PDZD2: variants seen among roughly 807,000 people sequenced by gnomAD.
The protein encoded by PDZD2 is PDZ domain containing 2, also known as PDZ domain-containing protein 2.
A neutral mutation model predicts 220.7 loss-of-function variants in PDZD2; 90 were observed. The observed-to-expected ratio is 0.41, with a 90% CI of 0.34 to 0.49. The LOEUF is 0.49. Ranked by LOEUF, PDZD2 falls within the 20% of genes least tolerant of loss-of-function variation. The pLI, the probability that PDZD2 is intolerant of heterozygous loss-of-function variation, is 0.28. For synonymous variants in PDZD2, 1,375 were observed against 1,450.5 expected (o/e 0.95, Z 1.18); for missense variants, 3,174 against 3,608.5 (o/e 0.88, Z 3.08).
intron 1 of PDZD2, among the ~76,000 whole-genome samples, chr5:31,686,587 G>T (rs927454622): frequency 1.3e-5 from 2 of 151,950 alleles, no homozygotes; most frequent in African/African-American, 4.8e-5. Context: ...GGCTAGTCTC[G>T]AACTCCTGAC....
At position 32,107,963 on chromosome 5, in the gene PDZD2, T is replaced by G; in HGVS notation, c.8354-6T>G. ...GCTATTAATTATTCTGTGTTTATTC[T>G]CGTAGGTGGTGCGGCTGAACAAGCT... is the stretch of plus-strand genomic sequence containing the variant. On this transcript the variant is annotated splice_region_variant and splice_polypyrimidine_tract_variant and intron_variant, in intron 24 of 24. Transcript: ENST00000438447. 1 of 1,608,890 alleles carries G rather than the reference T, an allele frequency of 6.2e-7. No homozygotes were observed. The highest frequency in any genetic ancestry group is 8.5e-7 in the Non-Finnish European group (1 of 1,175,956).
rs1427913742 is a variant in PDZD2, at chr5:32,083,592, G to C, written c.3683-3539G>C. 3 of 152,162 alleles carry C rather than the reference G, an allele frequency of 2.0e-5. No individual in the cohort carries two copies. The highest frequency in any genetic ancestry group is 4.4e-5 in the Non-Finnish European group (3 of 68,046). 9.4% of individuals were successfully genotyped at this position (152,162 alleles called of 1,614,324 possible). A position where few individuals can be genotyped will look rare whatever the true frequency, so the allele number is the denominator to read the frequency against. On this transcript the variant is annotated intron_variant, in intron 19 of 24. Coordinates refer to ENST00000438447, the MANE Select transcript of PDZD2 (RefSeq NM_178140.4). The surrounding 1 kb of genome is among the most constrained non-coding windows in gnomAD (Gnocchi z 4.1). ...TGTAACCTCGTCTCCCTCAGATGAA[G>C]ACCTTTTAAGTTACAGACTTTGCAA...
intron 1 of PDZD2, among the ~76,000 whole-genome samples, chr5:31,788,783 T>A (rs186786364): frequency 6.6e-6 from 1 of 152,252 alleles, no homozygotes; most frequent in Admixed American, 6.5e-5. Flanking sequence ...TGTATGTTTG[T>A]GTGAGACACC....
chr5:31,777,435 C>T (rs927768346), intron 1 of PDZD2, among the ~76,000 whole-genome samples: 4 of 152,202 alleles, frequency 2.6e-5, no homozygotes, highest in South Asian at 2.1e-4. Context: ...GGAGCCTCCC[C>T]GACGGGCGCC....
chr5:32,035,971 T>C (rs574013006), intron 6 of PDZD2, among the ~76,000 whole-genome samples: 200 of 152,252 alleles, frequency 1.3e-3, no homozygotes, highest in Non-Finnish European at 2.3e-3. Context: ...TGAGACAGAG[T>C]CTCGCTCTGT....
intron 2 of PDZD2, among the ~76,000 whole-genome samples, chr5:31,934,432 C>T (rs181851748): frequency 6.6e-6 from 1 of 152,152 alleles, no homozygotes; most frequent in Non-Finnish European, 1.5e-5. Flanking sequence ...TCTGCCGCAC[C>T]AGGGAAACAT....
intron 6 of PDZD2, among the ~76,000 whole-genome samples, chr5:32,031,271 T>C (rs1340439182): frequency 6.6e-6 from 1 of 152,212 alleles, no homozygotes; most frequent in Non-Finnish European, 1.5e-5. Context: ...TCCCAGTTAC[T>C]CATCAGACTC....
At chr5:31,704,671 T>C (rs531566407) in intron 1 of PDZD2, among the ~76,000 whole-genome samples, 2 of 152,298 alleles carry the variant, frequency 1.3e-5, no homozygotes, top group South Asian at 2.1e-4. Flanking sequence ...ATTGCCTTTT[T>C]CCCCATGCTA....
At chr5:31,906,714 G>A (rs1742691291) in intron 2 of PDZD2, among the ~76,000 whole-genome samples, 1 of 152,022 alleles carries the variant, frequency 6.6e-6, no homozygotes, top group African/African-American at 2.4e-5. Context: ...ATGGTGGCAC[G>A]TGCCTGTAGT....
intron 2 of PDZD2, among the ~76,000 whole-genome samples, chr5:31,954,839 G>A (rs988412487): frequency 1.3e-5 from 2 of 152,104 alleles, no homozygotes; most frequent in Non-Finnish European, 2.9e-5. Context: ...GGGAAGCTGG[G>A]GCAGGAGAAT....
chr5:31,684,079 G>A (rs375746383), intron 1 of PDZD2, among the ~76,000 whole-genome samples: 2 of 152,272 alleles, frequency 1.3e-5, no homozygotes. Context: ...GATCCCTACA[G>A]ATCTATTTTC....
intron 1 of PDZD2, among the ~76,000 whole-genome samples, chr5:31,769,566 T>C: frequency 6.6e-6 from 1 of 152,250 alleles, no homozygotes; most frequent in South Asian, 2.1e-4. Flanking sequence ...AGAGCCCGGT[T>C]TCCTCCTAAG....
chr5:31,880,950 T>A (rs1739837914), intron 2 of PDZD2, among the ~76,000 whole-genome samples: 1 of 151,650 alleles, frequency 6.6e-6, no homozygotes, highest in Non-Finnish European at 1.5e-5. Flanking sequence ...TACAGGCGCC[T>A]ACCACCATGC....
At chr5:31,856,026 G>C (rs1006052230) in intron 2 of PDZD2, among the ~76,000 whole-genome samples, 5 of 152,200 alleles carry the variant, frequency 3.3e-5, no homozygotes, top group African/African-American at 1.2e-4. Flanking sequence ...AAATAGGCCA[G>C]GCTGAGTTTG....
chr5:31,820,983 C>T (rs1220694826), intron 2 of PDZD2, among the ~76,000 whole-genome samples: 13 of 151,502 alleles, frequency 8.6e-5, no homozygotes, highest in African/African-American at 3.2e-4. Context: ...TGTCCATTAT[C>T]TCTTGGGGCC....
intron 1 of PDZD2, among the ~76,000 whole-genome samples, chr5:31,662,160 A>C (rs29755): frequency 6.6e-6 from 1 of 151,906 alleles, no homozygotes; most frequent in African/African-American, 2.4e-5. Flanking sequence ...AAAATACAAA[A>C]ATTAGCTGGG....
intron 1 of PDZD2, among the ~76,000 whole-genome samples, chr5:31,793,543 A>G (rs1378027696): frequency 2.6e-4 from 39 of 152,166 alleles, no homozygotes; most frequent in Admixed American, 2.6e-3. Context: ...GCAGTGGCTC[A>G]TACCTGTAAT....
In PDZD2 at chr5:31,644,555, G is replaced by A. The variant is rs576077717; in HGVS notation, c.-361+5118G>A. Among the ~76,000 whole-genome samples the A allele has an allele frequency of 5.3e-5, 8 of 152,302 alleles. No individual in the cohort carries two copies. The East Asian group carries it at 7.7e-4, about 15-fold the overall frequency. The stretch of plus-strand genomic sequence containing the variant: ...TGGTTTGTTAAGACACTAAGCATGC[G>A]GAGAAGACACATTTGTCTTTTAAGC... On this transcript the variant is annotated intron_variant, in intron 1 of 24. Transcript: ENST00000438447.
chr5:31,733,837 C>T (rs557401147), intron 1 of PDZD2, among the ~76,000 whole-genome samples: 4 of 152,198 alleles, frequency 2.6e-5, no homozygotes, highest in African/African-American at 9.7e-5. Context: ...ACTTCTGTAA[C>T]CAGATATGGG....
Sources: allele counts gnomAD v4.1 joint callset (sites outside exome capture counted in the v4.1 genomes callset), GRCh38; gene constraint gnomAD v4.1.1; non-coding constraint Gnocchi (gnomAD v3.1); transcripts MANE v1.5; gene names NCBI Gene and HGNC (gene_info 2026-07-23, HGNC 2026-07-21).